Variants in PCBD2 observed in about 807,000 individuals in gnomAD.
PCBD2 encodes pterin-4 alpha-carbinolamine dehydratase 2.
A neutral mutation model predicts 16.4 loss-of-function variants in PCBD2; 12 were observed. That is an observed-to-expected ratio of 0.73 (90% CI 0.47 to 1.19). PCBD2 has a LOEUF of 1.19. PCBD2 is among the 50% of genes most tolerant of loss of function. The probability of loss-of-function intolerance (pLI) is 0.00; values close to 1 mark genes in which losing one functional copy is unlikely to be tolerated. For synonymous variants in PCBD2, 58 were observed against 61.8 expected (o/e 0.94, Z 0.29); for missense variants, 138 against 156.8 (o/e 0.88, Z 0.64).
rs1490501215 is a variant in PCBD2, at chr5:134,961,162, G to A, written c.*481G>A. On this transcript the variant is annotated 3_prime_UTR_variant, in exon 4 of 4. Transcript: ENST00000254908. ...TGTTTGCCTTTATATATTACATTTGGTAAAATCAGTGCTTAAATACGCAAT... is the reference window on the plus strand; with the variant it reads ...TGTTTGCCTTTATATATTACATTTGATAAAATCAGTGCTTAAATACGCAAT... 6.6e-6 allele frequency: 1 copy of A among 152,500 alleles called. No homozygotes were observed. The highest frequency in any genetic ancestry group is 1.5e-5 in the Non-Finnish European group (1 of 68,350). 9.4% of individuals were successfully genotyped at this position (152,500 alleles called of 1,614,324 possible). A position where few individuals can be genotyped will look rare whatever the true frequency, so the allele number is the denominator to read the frequency against.
chr5:134,921,013 G>T (rs1580880741), intron 2 of PCBD2, among the ~76,000 whole-genome samples: 1 of 152,212 alleles, frequency 6.6e-6, no homozygotes, highest in Non-Finnish European at 1.5e-5. Flanking sequence ...CCCTGTCCTC[G>T]CCATCGCAGC....
At chr5:134,907,735 TCCTCAGCCTC>T (rs990318503) in intron 1 of PCBD2, among the ~76,000 whole-genome samples, 47 of 146,102 alleles carry the variant, frequency 3.2e-4, no homozygotes, top group African/African-American at 1.1e-3. Context: ...TGATTCTCCT[TCCTCAGCCTC>T]CTGAGTAGCA....
chr5:134,939,172 C>G (rs941800546), intron 2 of PCBD2, among the ~76,000 whole-genome samples: 2 of 151,734 alleles, frequency 1.3e-5, no homozygotes, highest in Non-Finnish European at 2.9e-5. Flanking sequence ...GAAAGAAAAC[C>G]CCAACATGTA....
In PCBD2 at chr5:134,915,705, C is replaced by T. The variant is rs181625322; in HGVS notation, c.216+5239C>T. Among the ~76,000 whole-genome samples, 595 of 152,128 alleles carry T rather than the reference C, an allele frequency of 3.9e-3. 1 individual carries two copies. The highest frequency in any genetic ancestry group is 6.7e-3 in the Non-Finnish European group (456 of 67,986). On this transcript the variant is annotated intron_variant, in intron 2 of 3. Coordinates refer to ENST00000254908, the MANE Select transcript of PCBD2 (RefSeq NM_032151.5). ...GGCTCAAGTGATCCTCCTGCCTCAG[C>T]CTCTCAAAGTATTGGGGTTATAGGC...
At chr5:134,921,569 C>T (rs1750903809) in intron 2 of PCBD2, among the ~76,000 whole-genome samples, 1 of 152,060 alleles carries the variant, frequency 6.6e-6, no homozygotes, top group African/African-American at 2.4e-5. Context: ...GTTCCTGTGG[C>T]GTACTCTCCT....
At chr5:134,924,736 A>G (rs541872846) in intron 2 of PCBD2, 96 of 394,288 alleles carry the variant, frequency 2.4e-4, no homozygotes, top group African/African-American at 1.9e-3. Flanking sequence ...TGAGGTGATG[A>G]TGGAGGCGGA....
chr5:134,959,199 G>A, intron 3 of PCBD2, 79 bp downstream of exon 3: 1 of 1,061,970 alleles, frequency 9.4e-7, no homozygotes. Context: ...ATCTTGTGCA[G>A]CTAAATGTCA....
At chr5:134,933,213 T>TGTA (rs1751119509) in intron 2 of PCBD2, among the ~76,000 whole-genome samples, 1 of 152,188 alleles carries the variant, frequency 6.6e-6, no homozygotes, top group South Asian at 2.1e-4. Flanking sequence ...TATTTTCACA[T>TGTA]CAGTAAAATA....
At chr5:134,921,868 C>T (rs1164815150) in intron 2 of PCBD2, among the ~76,000 whole-genome samples, 1 of 152,210 alleles carries the variant, frequency 6.6e-6, no homozygotes, top group Non-Finnish European at 1.5e-5. Flanking sequence ...TTCCACTGGC[C>T]TGCGTGCCAC....
intron 2 of PCBD2, among the ~76,000 whole-genome samples, chr5:134,933,214 C>G (rs1465640491): frequency 1.3e-5 from 2 of 152,134 alleles, no homozygotes; most frequent in South Asian, 2.1e-4. Context: ...ATTTTCACAT[C>G]AGTAAAATAT....
intron 2 of PCBD2, among the ~76,000 whole-genome samples, chr5:134,953,147 A>G (rs1382784238): frequency 6.6e-6 from 1 of 151,750 alleles, no homozygotes; most frequent in African/African-American, 2.4e-5. Context: ...TGTTCTTTAC[A>G]TTTATTGATT....
At chr5:134,909,741 G>T (rs905337115) in intron 1 of PCBD2, among the ~76,000 whole-genome samples, 1 of 152,182 alleles carries the variant, frequency 6.6e-6, no homozygotes, top group Admixed American at 6.5e-5. Context: ...CAAGATGGCC[G>T]GTGGTAATAG....
chr5:134,927,433 C>T, intron 2 of PCBD2: 1 of 398,226 alleles, frequency 2.5e-6, no homozygotes, highest in Admixed American at 4.4e-5. Flanking sequence ...ACTATAAAAG[C>T]TATTGTGTAC....
intron 2 of PCBD2, among the ~76,000 whole-genome samples, chr5:134,931,538 C>T (rs992515474): frequency 5.9e-5 from 9 of 152,088 alleles, no homozygotes; most frequent in African/African-American, 1.9e-4. Context: ...GTTAGGTGTT[C>T]GTATTCCCAT....
chr5:134,959,189 A>G (rs762629886), intron 3 of PCBD2, 69 bp downstream of exon 3: 2 of 1,162,022 alleles, frequency 1.7e-6, no homozygotes, highest in Non-Finnish European at 2.5e-6. Context: ...CTTCCTTGTC[A>G]TCTTGTGCAG....
At chr5:134,908,230 TG>T (rs1271290359) in intron 1 of PCBD2, among the ~76,000 whole-genome samples, 19 of 145,940 alleles carry the variant, frequency 1.3e-4, no homozygotes, top group African/African-American at 4.9e-4. Context: ...CCCTAGTAAA[TG>T]TTTTTTTTTT....
intron 2 of PCBD2, among the ~76,000 whole-genome samples, chr5:134,929,423 A>C (rs1751065720): frequency 6.6e-6 from 1 of 152,022 alleles, no homozygotes; most frequent in South Asian, 2.1e-4. Context: ...GTGTTTCAAA[A>C]GGAGGGAAGT....
At chr5:134,913,281 T>C (rs1008493100) in intron 2 of PCBD2, among the ~76,000 whole-genome samples, 2 of 152,166 alleles carry the variant, frequency 1.3e-5, no homozygotes, top group Non-Finnish European at 2.9e-5. Flanking sequence ...AGTAGGGAAT[T>C]GGAGTGGAGG....
intron 2 of PCBD2, chr5:134,924,230 T>C: frequency 2.5e-6 from 1 of 395,380 alleles, no homozygotes. Context: ...TTGTTAGTGG[T>C]GTGATTGGGT....
Sources: allele counts gnomAD v4.1 joint callset (sites outside exome capture counted in the v4.1 genomes callset), GRCh38; gene constraint gnomAD v4.1.1; transcripts MANE v1.5; gene names NCBI Gene and HGNC (gene_info 2026-07-23, HGNC 2026-07-21).